The following CFAP54 variants were observed in gnomAD, a reference collection of about 807,000 sequenced individuals.
CFAP54 encodes the protein cilia and flagella associated protein 54.
Under a neutral mutation model 370.4 loss-of-function variants are expected in CFAP54, and 290 were observed. That is an observed-to-expected ratio of 0.78 (90% CI 0.71 to 0.86). The LOEUF (loss-of-function observed/expected upper bound fraction) is 0.86, where lower values mean the gene tolerates loss of function less well. Ranked by LOEUF, CFAP54 falls within the 40% of genes least tolerant of loss-of-function variation. The pLI, the probability that CFAP54 is intolerant of heterozygous loss-of-function variation, is 0.00. For synonymous variants in CFAP54, 1,206 were observed against 1,236.5 expected, an observed-to-expected ratio of 0.98 and a Z score of 0.52; for missense variants, 3,399 against 3,528.7, an observed-to-expected ratio of 0.96 and a Z score of 0.93.
chr12:96,821,601 T>C (rs925274047), intron 65 of CFAP54, among the ~76,000 whole-genome samples: 1 of 152,040 alleles, frequency 6.6e-6, no homozygotes, highest in African/African-American at 2.4e-5. Context: ...AATATTCGTT[T>C]AGGTGAATTG....
intron 14 of CFAP54, among the ~76,000 whole-genome samples, chr12:96,545,456 AGTGAGT>A (rs919944362): frequency 6.6e-6 from 1 of 152,134 alleles, no homozygotes; most frequent in African/African-American, 2.4e-5. Context: ...GTAAAATATG[AGTGAGT>A]GTAAGATATT....
intron 55 of CFAP54, among the ~76,000 whole-genome samples, chr12:96,746,271 A>G (rs1323823642): frequency 2.0e-5 from 3 of 152,148 alleles, no homozygotes; most frequent in African/African-American, 7.2e-5. Flanking sequence ...AAACAATAAC[A>G]AACCTACTGT....
chr12:96,489,689 C>A lies in CFAP54; in HGVS notation c.80C>A (p.Thr27Asn). The change falls in exon 1 of 68, where the codon ACC becomes AAC. Residue 27 changes from threonine (T) to asparagine (N), a missense_variant. By Grantham distance (65) the Thr-to-Asn change is moderately conservative. This residue lies in a region of CFAP54 where 559 missense variants were observed against 576.7 expected (regional missense o/e 0.97). Coordinates refer to ENST00000524981, the MANE Select transcript of CFAP54 (RefSeq NM_001306084.2). ...GGGTCTCTGCCAGAACTGCCGCCGA[C>A]CTCCACCGCGACTTCGAGGTCGCCC... Reference protein sequence around the residue: ...TSGSLPELPPTSTATSRSPPE... With the variant: ...TSGSLPELPPNSTATSRSPPE... 9 of 1,535,968 alleles carry A rather than the reference C, an allele frequency of 5.9e-6. No individual in the cohort carries two copies. Among genetic ancestry groups the A allele is most frequent in the Non-Finnish European group, 7.0e-6 (8 of 1,146,794 alleles).
intron 65 of CFAP54, among the ~76,000 whole-genome samples, chr12:96,820,057 A>G (rs1592783880): frequency 1.3e-5 from 2 of 152,216 alleles, no homozygotes; most frequent in South Asian, 2.1e-4. Flanking sequence ...GGAATCGGGG[A>G]TGAGCAAGAC....
At chr12:96,702,222 G>GGGGTT (rs150647782) in intron 46 of CFAP54, among the ~76,000 whole-genome samples, 1 of 39,942 alleles carries the variant, frequency 2.5e-5, no homozygotes, top group Admixed American at 2.9e-4. Flanking sequence ...GCTCCAGATA[G>GGGGTT]GAGCATGTTA....
intron 1 of CFAP54, among the ~76,000 whole-genome samples, chr12:96,491,536 G>A (rs1415443251): frequency 6.6e-6 from 1 of 152,170 alleles, no homozygotes; most frequent in African/African-American, 2.4e-5. Flanking sequence ...TGAGCCCTGG[G>A]ATGCTCCAGC....
At chr12:96,520,859 A>T (rs7304252) in intron 6 of CFAP54, among the ~76,000 whole-genome samples, 57,887 of 152,074 alleles carry the variant, frequency 0.38, 11,439 homozygotes, top group East Asian at 0.64. Flanking sequence ...GCCAATTCAC[A>T]ATTCCATTTA....
At chr12:96,765,378 G>T in intron 60 of CFAP54, 160 bp downstream of exon 60, 1 of 467,788 alleles carries the variant, frequency 2.1e-6, no homozygotes. Context: ...CAAAATAGAG[G>T]GCTCTTAGCT....
chr12:96,520,801 T>C (rs1955300786), intron 6 of CFAP54, among the ~76,000 whole-genome samples: 1 of 152,264 alleles, frequency 6.6e-6, no homozygotes, highest in African/African-American at 2.4e-5. Flanking sequence ...TTCATGGCTG[T>C]GCACATGCCT....
chr12:96,657,522 A>G (rs529389070), intron 36 of CFAP54, among the ~76,000 whole-genome samples: 7 of 152,372 alleles, frequency 4.6e-5, no homozygotes, highest in South Asian at 2.1e-4. Context: ...GTGTTGTCCA[A>G]TATGGTAAAC....
intron 50 of CFAP54, among the ~76,000 whole-genome samples, chr12:96,725,521 G>A (rs1279518067): frequency 6.6e-6 from 1 of 152,066 alleles, no homozygotes; most frequent in Non-Finnish European, 1.5e-5. Context: ...TTTGCACATT[G>A]ATTTTGTATC....
At chr12:96,504,933 T>C (rs987401194) in intron 3 of CFAP54, among the ~76,000 whole-genome samples, 1 of 151,204 alleles carries the variant, frequency 6.6e-6, no homozygotes, top group Non-Finnish European at 1.5e-5. Flanking sequence ...TTATTTTTCT[T>C]TCTTCCTCTT....
At chr12:96,498,037 T>A (rs1195893717) in intron 1 of CFAP54, among the ~76,000 whole-genome samples, 1 of 152,186 alleles carries the variant, frequency 6.6e-6, no homozygotes, top group Non-Finnish European at 1.5e-5. Flanking sequence ...TCAAAACCCC[T>A]TTTCTGGCAA....
At chr12:96,639,587 G>A (rs989373623) in intron 32 of CFAP54, among the ~76,000 whole-genome samples, 10 of 152,194 alleles carry the variant, frequency 6.6e-5, no homozygotes, top group Non-Finnish European at 1.5e-4. Flanking sequence ...TATGAGGCCA[G>A]CATCATCCTG....
At chr12:96,640,482 T>C (rs1371859300) in intron 32 of CFAP54, among the ~76,000 whole-genome samples, 2 of 152,172 alleles carry the variant, frequency 1.3e-5, no homozygotes, top group Non-Finnish European at 2.9e-5. Context: ...ATCAGTATTG[T>C]GAAAATGGCC....
At chr12:96,797,890 C>T (rs1316430150) in intron 63 of CFAP54, among the ~76,000 whole-genome samples, 1 of 151,850 alleles carries the variant, frequency 6.6e-6, no homozygotes, top group Non-Finnish European at 1.5e-5. Flanking sequence ...TTTTGCTTGT[C>T]CTGGATTTTG....
chr12:96,791,748 A>C (rs1958697306), intron 62 of CFAP54, among the ~76,000 whole-genome samples: 1 of 152,198 alleles, frequency 6.6e-6, no homozygotes, highest in Admixed American at 6.5e-5. Context: ...GTTGAGACTG[A>C]AATGTTGGCA....
chr12:96,825,482 T>C (rs1959086911), intron 65 of CFAP54, among the ~76,000 whole-genome samples: 1 of 117,444 alleles, frequency 8.5e-6, no homozygotes, highest in African/African-American at 3.4e-5. Flanking sequence ...ATATATTATA[T>C]AACATATATA....
At chr12:96,727,794 T>G (rs1366170582) in intron 50 of CFAP54, among the ~76,000 whole-genome samples, 5 of 152,050 alleles carry the variant, frequency 3.3e-5, no homozygotes, top group Non-Finnish European at 7.4e-5. Flanking sequence ...CATTTTGGCA[T>G]TATTTTGCAG....
Sources: gnomAD v4.1 joint callset for allele counts (sites outside exome capture counted in the v4.1 genomes callset) on GRCh38, gnomAD v4.1.1 for gene constraint, gnomAD v4.1.1 regional missense constraint, MANE v1.5 for transcripts, NCBI Gene and HGNC (gene_info 2026-07-23, HGNC 2026-07-21) for gene names.